Variants in PKIA observed in about 807,000 individuals in gnomAD.
The protein encoded by PKIA is cAMP-dependent protein kinase inhibitor alpha.
Under a neutral mutation model 7.6 loss-of-function variants are expected in PKIA, and 4 were observed. The observed-to-expected ratio is 0.52, with a 90% CI of 0.26 to 1.20. The LOEUF is 1.20. Among genes scored for constraint, PKIA ranks in the 50% most tolerant of loss-of-function variants. The pLI, the probability that PKIA is intolerant of heterozygous loss-of-function variation, is 0.13. For synonymous variants in PKIA, 21 were observed against 30.7 expected (o/e 0.68, Z 1.04); for missense variants, 73 against 86.2 (o/e 0.85, Z 0.61).
Position 78,593,268 on chromosome 8 carries a change from G to A in PKIA, c.-27-5090G>A, listed in dbSNP as rs1271357240. ...CTCCTGTGTAGCTGAGATTACAGGC[G>A]TGCACCACTACGCCCAGCTAATTTT... is the stretch of plus-strand genomic sequence containing the variant. On this transcript the variant is annotated intron_variant, in intron 2 of 3. Transcript: ENST00000396418. Among the ~76,000 whole-genome samples, 10 of 152,166 alleles carry A rather than the reference G, an allele frequency of 6.6e-5. No homozygotes were observed. In the South Asian group the frequency reaches 8.3e-4, roughly 13 times the overall value.
chr8:78,578,911 C>G (rs995077560), intron 2 of PKIA, among the ~76,000 whole-genome samples: 1 of 152,032 alleles, frequency 6.6e-6, no homozygotes, highest in African/African-American at 2.4e-5. Flanking sequence ...TCATAATTCC[C>G]ATTTCCCACT....
At chr8:78,521,270 T>C (rs1241917881) in intron 1 of PKIA, among the ~76,000 whole-genome samples, 1 of 152,140 alleles carries the variant, frequency 6.6e-6, no homozygotes, top group Non-Finnish European at 1.5e-5. Context: ...TATTTCTTTA[T>C]GGTAATGCCA....
intron 2 of PKIA, among the ~76,000 whole-genome samples, chr8:78,588,947 G>A (rs756712896): frequency 6.6e-6 from 1 of 151,574 alleles, no homozygotes; most frequent in Admixed American, 6.6e-5. Context: ...AAAAAATGCA[G>A]AGTTAAAAGA....
At chr8:78,592,170 C>T (rs191008786) in intron 2 of PKIA, among the ~76,000 whole-genome samples, 21 of 151,754 alleles carry the variant, frequency 1.4e-4, no homozygotes, top group African/African-American at 4.6e-4. Flanking sequence ...TTTTTGAGCA[C>T]TTAAGGGGAA....
intron 1 of PKIA, among the ~76,000 whole-genome samples, chr8:78,545,766 A>G (rs981875248): frequency 6.6e-6 from 1 of 152,120 alleles, no homozygotes; most frequent in Non-Finnish European, 1.5e-5. Flanking sequence ...CTGTTCCTCT[A>G]TGATACTATA....
chr8:78,580,847 G>A (rs535562577), intron 2 of PKIA, among the ~76,000 whole-genome samples: 6 of 151,972 alleles, frequency 3.9e-5, no homozygotes, highest in Non-Finnish European at 8.8e-5. Context: ...ATGAAAATGG[G>A]GGAATGAAAG....
chr8:78,519,439 A>C (rs758883624), intron 1 of PKIA, among the ~76,000 whole-genome samples: 5 of 152,300 alleles, frequency 3.3e-5, no homozygotes, highest in Admixed American at 1.3e-4. Context: ...CCCTGTCTCA[A>C]ATTAAAAAAT....
intron 1 of PKIA, among the ~76,000 whole-genome samples, chr8:78,529,470 A>G (rs1806339233): frequency 6.6e-6 from 1 of 152,054 alleles, no homozygotes. Flanking sequence ...AGTTTTCTAG[A>G]GTTTCTATGT....
At chr8:78,536,733 G>C (rs539681718) in intron 1 of PKIA, among the ~76,000 whole-genome samples, 1 of 152,022 alleles carries the variant, frequency 6.6e-6, no homozygotes, top group Non-Finnish European at 1.5e-5. Context: ...AATAGTCCAT[G>C]TATTTACCCA....
intron 1 of PKIA, among the ~76,000 whole-genome samples, chr8:78,540,862 G>C (rs1481273617): frequency 6.6e-6 from 1 of 151,764 alleles, no homozygotes; most frequent in Non-Finnish European, 1.5e-5. Context: ...CTTCCCAAAG[G>C]AGGCCTATAT....
At chr8:78,545,962 C>T (rs1415715906) in intron 1 of PKIA, among the ~76,000 whole-genome samples, 2 of 152,128 alleles carry the variant, frequency 1.3e-5, no homozygotes, top group Admixed American at 6.6e-5. Flanking sequence ...TGTATTTTAT[C>T]CCATTCTGTT....
intron 1 of PKIA, among the ~76,000 whole-genome samples, chr8:78,555,721 G>T (rs746575321): frequency 2.6e-5 from 4 of 152,002 alleles, no homozygotes; most frequent in Non-Finnish European, 4.4e-5. Flanking sequence ...ATTACAAAAG[G>T]AAAGTGAGTG....
intron 2 of PKIA, among the ~76,000 whole-genome samples, chr8:78,575,578 A>T (rs963890738): frequency 3.3e-5 from 5 of 152,016 alleles, no homozygotes; most frequent in African/African-American, 1.2e-4. Flanking sequence ...TTTTATGAGC[A>T]TGTATTTTAA....
At chr8:78,528,723 T>C (rs1808246058) in intron 1 of PKIA, among the ~76,000 whole-genome samples, 1 of 151,544 alleles carries the variant, frequency 6.6e-6, no homozygotes, top group South Asian at 2.1e-4. Context: ...TCTCAGCACT[T>C]TGGGTGGCCA....
chr8:78,588,986 A>C (rs1377276947), intron 2 of PKIA, among the ~76,000 whole-genome samples: 1 of 152,146 alleles, frequency 6.6e-6, no homozygotes, highest in Non-Finnish European at 1.5e-5. Flanking sequence ...GGAAGATGTA[A>C]GCAATTTGCA....
At chr8:78,530,429 C>CACTGGATCCTGA (rs1319156933) in intron 1 of PKIA, among the ~76,000 whole-genome samples, 2 of 151,960 alleles carry the variant, frequency 1.3e-5, no homozygotes, top group African/African-American at 4.8e-5. Flanking sequence ...TTACAAACCT[C>CACTGGATCCTGA]ACTGGATCCT....
chr8:78,589,748 T>TA lies in PKIA; in HGVS notation c.-27-8599dup, dbSNP rs564487249. ...CCTAAGAATGTACTTGATGAAGCAG[T>TA]AAAAAAAAAAATTCATTTTCTTGAA... On this transcript the variant is annotated intron_variant, in intron 2 of 3. Transcript: ENST00000396418. Among the ~76,000 whole-genome samples, 760 of 148,356 alleles carry TA rather than the reference T, an allele frequency of 5.1e-3. 2 individuals carry two copies. The highest frequency in any genetic ancestry group is 7.6e-3 in the Non-Finnish European group (508 of 66,702).
intron 1 of PKIA, among the ~76,000 whole-genome samples, chr8:78,549,926 A>G (rs1485013804): frequency 6.6e-6 from 1 of 152,120 alleles, no homozygotes; most frequent in African/African-American, 2.4e-5. Flanking sequence ...CATTGTAAAT[A>G]GTTTCCTCTA....
chr8:78,577,438 C>T (rs981201979), intron 2 of PKIA, among the ~76,000 whole-genome samples: 2 of 151,552 alleles, frequency 1.3e-5, no homozygotes, highest in Non-Finnish European at 2.9e-5. Flanking sequence ...AAACAAATCC[C>T]TTTGATATGA....
Sources: allele counts gnomAD v4.1 joint callset (sites outside exome capture counted in the v4.1 genomes callset), GRCh38; gene constraint gnomAD v4.1.1; transcripts MANE v1.5; gene names NCBI Gene and HGNC (gene_info 2026-07-23, HGNC 2026-07-21).